SI: variants seen among roughly 807,000 people sequenced by gnomAD.
The protein encoded by SI is sucrase-isomaltase, also known as sucrase-isomaltase, intestinal.
A neutral mutation model predicts 253.3 loss-of-function variants in SI; 235 were observed. The observed-to-expected ratio is 0.93, with a 90% CI of 0.83 to 1.03. SI has a LOEUF of 1.03. Ranked by LOEUF, SI falls within the 50% of genes least tolerant of loss-of-function variation. The pLI, the probability that SI is intolerant of heterozygous loss-of-function variation, is 0.00. For synonymous variants in SI, 819 were observed against 712.0 expected (o/e 1.15, Z -2.39); for missense variants, 2,442 against 2,211.1 (o/e 1.10, Z -2.09).
intron 13 of SI, among the ~76,000 whole-genome samples, chr3:165,053,354 T>C (rs995689580): frequency 1.9e-4 from 29 of 152,146 alleles, no homozygotes; most frequent in African/African-American, 7.0e-4. Context: ...ATACTTGACA[T>C]AAATATTAAA....
chr3:165,069,074 T>C lies in SI; in HGVS notation c.373+4A>G. On this transcript the variant is annotated splice_donor_region_variant and intron_variant, in intron 4 of 47. Transcript: ENST00000264382. The stretch of plus-strand genomic sequence containing the variant: ...TTGAATCATTATAACAGAGGACTTC[T>C]TACCAATACTTGTTGTTGTCATGTC... 1 of 1,579,328 alleles carries C rather than the reference T, an allele frequency of 6.3e-7. No homozygotes were observed. The highest frequency in any genetic ancestry group is 8.7e-7 in the Non-Finnish European group (1 of 1,148,370).
At chr3:164,985,319 AG>A (rs1717385340) in intron 45 of SI, among the ~76,000 whole-genome samples, 1 of 152,162 alleles carries the variant, frequency 6.6e-6, no homozygotes, top group South Asian at 2.1e-4. Context: ...GGGAAATTGT[AG>A]GCAAATTTCC....
At chr3:165,074,431 T>C in intron 3 of SI, 100 bp downstream of exon 3, 1 of 721,146 alleles carries the variant, frequency 1.4e-6, no homozygotes, top group East Asian at 3.1e-5. Flanking sequence ...CTAATTTATG[T>C]CTAGATCTTT....
intron 1 of SI, among the ~76,000 whole-genome samples, chr3:165,077,127 C>T (rs982622422): frequency 2.0e-5 from 3 of 151,364 alleles, no homozygotes; most frequent in African/African-American, 7.3e-5. Context: ...CTGACTTTAT[C>T]TTCAAAGTAT....
chr3:164,994,236 G>A, intron 41 of SI, 21 bp downstream of exon 41: 2 of 1,605,854 alleles, frequency 1.2e-6, no homozygotes, highest in Non-Finnish European at 8.5e-7. Context: ...TGTGATAAGA[G>A]AAAACAAACT....
chr3:165,088,897 A>G, the SI span, among the ~76,000 whole-genome samples: 1 of 152,006 alleles, frequency 6.6e-6, no homozygotes, highest in South Asian at 2.1e-4. Context: ...TTCAGTTTAT[A>G]TTGCTATTTA....
chr3:165,021,495 C>T (rs1306408549), intron 26 of SI, 112 bp from the exon 27 acceptor site: 6 of 857,932 alleles, frequency 7.0e-6, no homozygotes, highest in Non-Finnish European at 7.6e-6. Flanking sequence ...TTTTTCTCCA[C>T]ATAATTTCTA....
intron 20 of SI, 124 bp from the exon 21 acceptor site, chr3:165,038,148 G>T: frequency 3.6e-6 from 3 of 832,184 alleles, no homozygotes; most frequent in Middle Eastern, 2.6e-4. Flanking sequence ...CGAATATATT[G>T]TTTTCTAACT....
intron 16 of SI, among the ~76,000 whole-genome samples, chr3:165,043,701 T>C (rs1403918218): frequency 6.6e-6 from 1 of 152,070 alleles, no homozygotes; most frequent in African/African-American, 2.4e-5. Flanking sequence ...GAAAATACTA[T>C]CTTGAATTTA....
chr3:165,023,363 A>T (rs1711727726), intron 26 of SI, among the ~76,000 whole-genome samples: 1 of 151,594 alleles, frequency 6.6e-6, no homozygotes, highest in Admixed American at 6.6e-5. Flanking sequence ...TCATCATTGT[A>T]TTAATCACAA....
At chr3:165,035,948 A>G (rs1200693527) in intron 22 of SI, among the ~76,000 whole-genome samples, 1 of 151,774 alleles carries the variant, frequency 6.6e-6, no homozygotes, top group Non-Finnish European at 1.5e-5. Flanking sequence ...ATTGTAAACA[A>G]TTGATACGAT....
rs1718036342 is a variant in SI, at chr3:164,996,840, C to T, written c.4541-68G>A. 1.3e-5 allele frequency: 10 copies of T among 770,316 alleles called. No individual in the cohort carries two copies. In the East Asian group the frequency reaches 3.0e-4, roughly 23 times the overall value. 47.7% of individuals were successfully genotyped at this position (770,316 alleles called of 1,614,324 possible). A position where few individuals can be genotyped will look rare whatever the true frequency, so the allele number is the denominator to read the frequency against. On this transcript the variant is annotated intron_variant, in intron 38 of 47. Coordinates refer to ENST00000264382, the MANE Select transcript of SI (RefSeq NM_001041.4). Reference sequence around the variant, plus strand: ...TATATTTTAATATTGTTTTTTATTTCTATTTATGATGATGTTCTGTTTTTA... The same window carrying T: ...TATATTTTAATATTGTTTTTTATTTTTATTTATGATGATGTTCTGTTTTTA...
chr3:165,050,900 T>C (rs1485374030), intron 13 of SI, among the ~76,000 whole-genome samples: 1 of 152,060 alleles, frequency 6.6e-6, no homozygotes, highest in Non-Finnish European at 1.5e-5. Context: ...CCTTTAACCT[T>C]AACACTCCTA....
chr3:165,074,448 T>A, intron 3 of SI, 83 bp downstream of exon 3: 2 of 839,408 alleles, frequency 2.4e-6, no homozygotes, highest in Non-Finnish European at 3.5e-6. Context: ...CTTTATTAAA[T>A]AAGATCGATC....
rs1239512753 is a variant in SI at position 164,979,194 on chromosome 3, T to A, written c.*168A>T. On this transcript the variant is annotated 3_prime_UTR_variant, in exon 48 of 48. Transcript: ENST00000264382. The stretch of plus-strand genomic sequence containing the variant: ...AAATTGAATCCAAGTCACATTACTA[T>A]AATAAAATTAGCATTATCATTGATG... 3 of 607,912 alleles carry A rather than the reference T, an allele frequency of 4.9e-6. No individual in the cohort carries two copies. The highest frequency in any genetic ancestry group is 3.9e-5 in the South Asian group (2 of 51,426). The allele number at this position is 607,912 out of a possible 1,614,324, so 37.7% of individuals were successfully genotyped here. A position where few individuals can be genotyped will look rare whatever the true frequency, so the allele number is the denominator to read the frequency against.
chr3:165,011,186 T>C (rs1718752568), intron 34 of SI, among the ~76,000 whole-genome samples: 1 of 152,262 alleles, frequency 6.6e-6, no homozygotes, highest in South Asian at 2.1e-4. Flanking sequence ...TTCTAATTCA[T>C]TGAGAGGTAA....
At chr3:165,028,864 C>A (rs1251634000) in intron 25 of SI, among the ~76,000 whole-genome samples, 1 of 149,982 alleles carries the variant, frequency 6.7e-6, no homozygotes, top group Non-Finnish European at 1.5e-5. Flanking sequence ...GAAATTGTCT[C>A]AGGCAAGGAT....
Position 165,017,636 on chromosome 3 carries a change from AAAGCCCAAT to A in SI, c.3662_3670del (p.Tyr1221_Ala1223del), listed in dbSNP as rs765657492. 4 of 1,612,860 alleles carry A rather than the reference AAAGCCCAAT, an allele frequency of 2.5e-6. No homozygotes were observed. In the South Asian group the frequency reaches 4.4e-5, roughly 18 times the overall value. On this transcript the variant is annotated inframe_deletion, in exon 31 of 48. Transcript: ENST00000264382. ...TCCATAACGACATAATTGGAATCCC[AAAGCCCAAT>A]AAGCTGGCATGACTGGATGGCCAAT...
At chr3:165,089,993 T>C in the SI span, among the ~76,000 whole-genome samples, 4 of 152,120 alleles carry the variant, frequency 2.6e-5, no homozygotes, top group Non-Finnish European at 5.9e-5. Flanking sequence ...ATGACAGCTC[T>C]TTTTGTAATG....
Sources: gnomAD v4.1 joint callset for allele counts (sites outside exome capture counted in the v4.1 genomes callset) on GRCh38, gnomAD v4.1.1 for gene constraint, MANE v1.5 for transcripts, NCBI Gene and HGNC (gene_info 2026-07-23, HGNC 2026-07-21) for gene names.